The following NHSL2 variants were observed in gnomAD, a reference collection of about 807,000 sequenced individuals.
NHSL2 encodes the protein NHS-like protein 2.
A neutral mutation model predicts 53.4 loss-of-function variants in NHSL2; 27 were observed. That is an observed-to-expected ratio of 0.51 (90% CI 0.37 to 0.70). NHSL2 has a LOEUF of 0.70. Among genes scored for constraint, NHSL2 ranks in the 30% least tolerant of loss-of-function variants. The pLI is 0.00. For synonymous variants in NHSL2, 408 were observed against 404.1 expected, an observed-to-expected ratio of 1.01 and a Z score of -0.12; for missense variants, 892 against 980.1, an observed-to-expected ratio of 0.91 and a Z score of 1.20.
At chrX:72,070,756 C>A (rs1297815573) in intron 1 of NHSL2, among the ~76,000 whole-genome samples, 1 of 109,710 alleles carries the variant, frequency 9.1e-6, no homozygotes, top group African/African-American at 3.3e-5. Flanking sequence ...CACCACCACA[C>A]ACACACACAC....
chrX:72,050,668 T>TG (rs1402273019), intron 1 of NHSL2, among the ~76,000 whole-genome samples: 14 of 110,505 alleles, frequency 1.3e-4, no homozygotes, highest in African/African-American at 4.0e-4. Flanking sequence ...CTGAGGTGAG[T>TG]GGATCACTTG....
intron 1 of NHSL2, among the ~76,000 whole-genome samples, chrX:71,931,443 T>C (rs946951388): frequency 8.9e-6 from 1 of 112,478 alleles, no homozygotes; most frequent in African/African-American, 3.2e-5. Context: ...CATTGTCTAA[T>C]CTAAGAACGT....
intron 1 of NHSL2, among the ~76,000 whole-genome samples, chrX:72,045,820 C>T (rs903013179): frequency 7.1e-5 from 8 of 112,253 alleles, no homozygotes; most frequent in African/African-American, 1.3e-4. Flanking sequence ...ACCTATGGCC[C>T]GCACAATTTG....
intron 1 of NHSL2, among the ~76,000 whole-genome samples, chrX:72,069,357 CGACCCG>C (rs2042451827): frequency 9.8e-6 from 1 of 101,551 alleles, no homozygotes; most frequent in African/African-American, 3.7e-5. Context: ...CTGGGCTGCT[CGACCCG>C]AGTGGAGCAC....
intron 1 of NHSL2, among the ~76,000 whole-genome samples, chrX:71,926,908 C>CT (rs745564821): frequency 1.8e-5 from 2 of 111,056 alleles, no homozygotes; most frequent in East Asian, 2.8e-4. Flanking sequence ...TGGTGAGTTC[C>CT]TTCTCTTTCC....
intron 1 of NHSL2, among the ~76,000 whole-genome samples, chrX:71,955,159 G>A (rs1042645147): frequency 1.8e-5 from 2 of 111,797 alleles, no homozygotes; most frequent in East Asian, 5.6e-4. Flanking sequence ...GCTCACATCC[G>A]AAGCGCCGGA....
chrX:72,053,963 G>A (rs1221227610), intron 1 of NHSL2, among the ~76,000 whole-genome samples: 1 of 111,573 alleles, frequency 9.0e-6, no homozygotes, highest in Non-Finnish European at 1.9e-5. Context: ...CCTTGGTGGG[G>A]TCTCAAAGAG....
chrX:72,021,090 A>G (rs970834176), intron 1 of NHSL2, among the ~76,000 whole-genome samples: 9 of 103,121 alleles, frequency 8.7e-5, no homozygotes, highest in Non-Finnish European at 1.6e-4. Flanking sequence ...CACACACACA[A>G]ATATTGAGGA....
intron 1 of NHSL2, among the ~76,000 whole-genome samples, chrX:71,931,316 C>G (rs1421177006): frequency 8.9e-6 from 1 of 112,179 alleles, no homozygotes; most frequent in African/African-American, 3.2e-5. Context: ...CTGTGAGTTG[C>G]CTTTTCACTT....
intron 1 of NHSL2, among the ~76,000 whole-genome samples, chrX:71,920,841 G>A (rs887434876): frequency 9.1e-5 from 10 of 110,358 alleles, no homozygotes; most frequent in African/African-American, 3.3e-4. Flanking sequence ...GTCTTGCTCT[G>A]TCGCCCAGCT....
intron 1 of NHSL2, among the ~76,000 whole-genome samples, chrX:72,081,458 T>G (rs1156468171): frequency 8.9e-6 from 1 of 111,830 alleles, no homozygotes; most frequent in African/African-American, 3.3e-5. Flanking sequence ...GCTTTCTGCT[T>G]CTGAGGGAGA....
intron 1 of NHSL2, among the ~76,000 whole-genome samples, chrX:72,056,381 T>A (rs1432417556): frequency 1.8e-5 from 2 of 111,902 alleles, no homozygotes; most frequent in Non-Finnish European, 3.8e-5. Flanking sequence ...ATCCATATAG[T>A]GGGGCATTAT....
intron 1 of NHSL2, among the ~76,000 whole-genome samples, chrX:72,092,995 C>T (rs1250000383): frequency 1.8e-5 from 2 of 112,708 alleles, no homozygotes; most frequent in Non-Finnish European, 3.7e-5. Context: ...TGCATAAAGA[C>T]ATTCAAGAAG....
At chrX:71,972,324 C>T (rs193171112) in intron 1 of NHSL2, among the ~76,000 whole-genome samples, 10 of 112,092 alleles carry the variant, frequency 8.9e-5, no homozygotes, top group East Asian at 2.8e-4. Flanking sequence ...CATGAGCCAC[C>T]GCGCCCGGCC....
chrX:71,941,538 C>T (rs2041765928), intron 1 of NHSL2, among the ~76,000 whole-genome samples: 1 of 111,879 alleles, frequency 8.9e-6, no homozygotes, highest in Non-Finnish European at 1.9e-5. Context: ...TCCCCAGTTT[C>T]CTCATTTCTA....
intron 1 of NHSL2, among the ~76,000 whole-genome samples, chrX:72,005,159 G>A (rs1285015613): frequency 1.8e-5 from 2 of 112,394 alleles, no homozygotes; most frequent in Admixed American, 9.4e-5. Context: ...AGAGACAGAG[G>A]TCTCTCTTTG....
chrX:72,130,603 A>G, intron 1 of NHSL2: 5 of 1,211,627 alleles, frequency 4.1e-6, no homozygotes, highest in Non-Finnish European at 5.6e-6. Context: ...AGGCTTGGGA[A>G]CGCGCACTTT....
chrX:71,911,298 C>A lies in NHSL2; in HGVS notation c.211C>A (p.Arg71Ser). Residue 71 changes from arginine (R) to serine (S), a missense_variant, in exon 1 of 8, where the codon CGC (arginine) becomes AGC (serine). Arg to Ser is a moderately radical substitution (Grantham distance 110, BLOSUM62 -1). Coordinates refer to ENST00000633930, the MANE Select transcript of NHSL2 (RefSeq NM_001013627.3). ...GCGCCGCACAGACAGCCTGTACCGGCGCACCGTGCGCCTCCGCCGCCGCCT... is the reference window on the plus strand; with the variant it reads ...GCGCCGCACAGACAGCCTGTACCGGAGCACCGTGCGCCTCCGCCGCCGCCT... ...LGRRTDSLYR[R>S]TVRLRRRLPC... 1 of 1,131,275 alleles carries A rather than the reference C, an allele frequency of 8.8e-7. No individual in the cohort carries two copies. Among genetic ancestry groups the A allele is most frequent in the South Asian group, 2.0e-5 (1 of 49,901 alleles). The allele number at this position is 1,131,275 out of a possible 1,213,427, so 93.2% of individuals were successfully genotyped here. A position where few individuals can be genotyped will look rare whatever the true frequency, so the allele number is the denominator to read the frequency against.
intron 6 of NHSL2, 44 bp from the exon 7 acceptor site, chrX:72,142,188 A>G (rs763407666): frequency 9.2e-6 from 10 of 1,087,544 alleles, no homozygotes; most frequent in East Asian, 3.3e-5. Flanking sequence ...GCTTTGTCCT[A>G]TCTACTGTGG....
Sources: allele counts gnomAD v4.1 joint callset (sites outside exome capture counted in the v4.1 genomes callset), GRCh38; gene constraint gnomAD v4.1.1; transcripts MANE v1.5; gene names NCBI Gene and HGNC (gene_info 2026-07-23, HGNC 2026-07-21).